The following ZDHHC14 variants were observed in gnomAD, a reference collection of about 807,000 sequenced individuals.
ZDHHC14 encodes zDHHC palmitoyltransferase 14.
In ZDHHC14, 16 loss-of-function variants were observed where a neutral mutation model predicts 47.7. The ratio of observed to expected loss-of-function variants is 0.34; its 90% CI spans 0.23 to 0.51. The LOEUF (loss-of-function observed/expected upper bound fraction) is 0.51. Among genes scored for constraint, ZDHHC14 ranks in the 20% least tolerant of loss-of-function variants. The pLI is 0.97. For synonymous variants in ZDHHC14, 293 were observed against 278.9 expected (o/e 1.05, Z -0.50); for missense variants, 515 against 662.5 (o/e 0.78, Z 2.44).
At position 157,619,557 on chromosome 6, in the gene ZDHHC14, A is replaced by G. The variant is rs562971300; in HGVS notation, c.566-8792A>G. ...CCACCTGCCAGGTGGTGGCAAGGCC[A>G]GGGCAGGAGCCAGTGAGACCTGGGT... On this transcript the variant is annotated intron_variant, in intron 3 of 8. Transcript: ENST00000359775. Among the ~76,000 whole-genome samples, 491 of 152,368 alleles carry G rather than the reference A, an allele frequency of 3.2e-3. 2 individuals are homozygous for G. Among genetic ancestry groups the G allele is most frequent in the African/African-American group, 0.011 (442 of 41,600 alleles).
chr6:157,602,489 CAAAAAAAAA>C (rs552594669), intron 3 of ZDHHC14, among the ~76,000 whole-genome samples: 2 of 60,616 alleles, frequency 3.3e-5, no homozygotes, highest in East Asian at 4.8e-4. Context: ...GACTCCGTTT[CAAAAAAAAA>C]AAAAAAAAAA....
intron 1 of ZDHHC14, among the ~76,000 whole-genome samples, chr6:157,414,985 A>G (rs964552718): frequency 2.0e-5 from 3 of 152,090 alleles, no homozygotes; most frequent in Non-Finnish European, 4.4e-5. Context: ...CTATAGTTAC[A>G]ACTCTAAAGT....
At chr6:157,389,509 A>G (rs564442339) in intron 1 of ZDHHC14, among the ~76,000 whole-genome samples, 2 of 152,332 alleles carry the variant, frequency 1.3e-5, no homozygotes, top group African/African-American at 2.4e-5. Context: ...TGGGTGTATC[A>G]TCATGGTATT....
intron 5 of ZDHHC14, among the ~76,000 whole-genome samples, chr6:157,636,522 C>T (rs967034758): frequency 1.3e-5 from 2 of 152,102 alleles, no homozygotes; most frequent in African/African-American, 2.4e-5. Context: ...CCTGCTGATT[C>T]GCTCCCTGCT....
intron 5 of ZDHHC14, among the ~76,000 whole-genome samples, chr6:157,635,283 G>A (rs781181565): frequency 1.6e-4 from 24 of 152,290 alleles, no homozygotes; most frequent in South Asian, 8.3e-4. Context: ...GTGAGCTACC[G>A]CGCCCAGCCA....
At chr6:157,527,338 C>T (rs1781193787) in intron 1 of ZDHHC14, among the ~76,000 whole-genome samples, 1 of 152,260 alleles carries the variant, frequency 6.6e-6, no homozygotes, top group African/African-American at 2.4e-5. Context: ...GCTCATGTGG[C>T]GAACAGGAAT....
chr6:157,459,396 G>A (rs147305915), intron 1 of ZDHHC14, among the ~76,000 whole-genome samples: 1 of 152,250 alleles, frequency 6.6e-6, no homozygotes, highest in Non-Finnish European at 1.5e-5. Flanking sequence ...GGAGGCAAAC[G>A]TCTTGTTTCT....
intron 1 of ZDHHC14, among the ~76,000 whole-genome samples, chr6:157,407,557 C>G (rs552761201): frequency 1.3e-5 from 2 of 152,300 alleles, no homozygotes; most frequent in Admixed American, 6.5e-5. Flanking sequence ...TTTTTGTAGA[C>G]TGCCCAAACC....
chr6:157,401,209 A>C (rs1777628819), intron 1 of ZDHHC14, among the ~76,000 whole-genome samples: 1 of 152,252 alleles, frequency 6.6e-6, no homozygotes, highest in Admixed American at 6.5e-5. Context: ...AAAGATAAAT[A>C]GAAACGTTGT....
intron 3 of ZDHHC14, among the ~76,000 whole-genome samples, chr6:157,626,427 A>G (rs560447639): frequency 8.5e-5 from 13 of 152,328 alleles, no homozygotes; most frequent in South Asian, 4.1e-4. Flanking sequence ...ACGTTGACAC[A>G]TAGATAGATT....
intron 1 of ZDHHC14, among the ~76,000 whole-genome samples, chr6:157,428,401 AAAG>A (rs1267311728): frequency 1.6e-3 from 248 of 152,294 alleles, no homozygotes; most frequent in African/African-American, 5.7e-3. Flanking sequence ...TAGCCTGTGA[AAAG>A]ATAAGCTTTA....
intron 1 of ZDHHC14, among the ~76,000 whole-genome samples, chr6:157,540,910 G>A (rs868129367): frequency 0.018 from 2,263 of 122,620 alleles, 52 homozygotes; most frequent in African/African-American, 0.029. Context: ...GTGTGTGTGT[G>A]TATATATATA....
chr6:157,387,937 G>A (rs1433106398), intron 1 of ZDHHC14, among the ~76,000 whole-genome samples: 2 of 152,184 alleles, frequency 1.3e-5, no homozygotes. Flanking sequence ...ATAATGTCTT[G>A]TAGAACACAT....
At position 157,474,172 on chromosome 6, in the gene ZDHHC14, G is replaced by T. The variant is rs560240804; in HGVS notation, c.246-68413G>T. On this transcript the variant is annotated intron_variant, in intron 1 of 8. Coordinates refer to ENST00000359775, the MANE Select transcript of ZDHHC14 (RefSeq NM_024630.3). ...CCCAGCTAATTTTTTTGTATTTTTA[G>T]TAGAGAAGGGGTTTCACCATGTTGG... Among the ~76,000 whole-genome samples, 146 of 152,088 alleles carry T rather than the reference G, an allele frequency of 9.6e-4. 1 individual carries two copies. Among genetic ancestry groups the T allele is most frequent in the African/African-American group, 3.5e-3 (144 of 41,506 alleles).
intron 1 of ZDHHC14, among the ~76,000 whole-genome samples, chr6:157,467,740 G>A (rs1779255379): frequency 6.6e-6 from 1 of 151,920 alleles, no homozygotes; most frequent in East Asian, 1.9e-4. Flanking sequence ...AGTAGAGATG[G>A]TGTTTCACCA....
chr6:157,591,050 G>A (rs1468655303), intron 2 of ZDHHC14, among the ~76,000 whole-genome samples: 3 of 152,204 alleles, frequency 2.0e-5, no homozygotes, highest in East Asian at 1.9e-4. Flanking sequence ...CTCCCATTTG[G>A]AACAGGTTTA....
At chr6:157,616,232 G>T (rs1219797381) in intron 3 of ZDHHC14, among the ~76,000 whole-genome samples, 1 of 152,200 alleles carries the variant, frequency 6.6e-6, no homozygotes, top group African/African-American at 2.4e-5. Context: ...ACACTGGGGA[G>T]CAAGACAGGA....
At chr6:157,650,359 T>TG (rs1196154194) in intron 7 of ZDHHC14, among the ~76,000 whole-genome samples, 5 of 147,952 alleles carry the variant, frequency 3.4e-5, no homozygotes, top group South Asian at 4.4e-4. Flanking sequence ...ATGTCAGGAG[T>TG]GGGGGGCGAA....
intron 1 of ZDHHC14, among the ~76,000 whole-genome samples, chr6:157,458,242 CCATGGTGATTTTTTT>C (rs1378705979): frequency 1.3e-5 from 2 of 152,086 alleles, no homozygotes; most frequent in East Asian, 3.9e-4. Context: ...TTCATAGTTC[CCATGGTGATTTTTTT>C]CATTCGGTGT....
Sources: gnomAD v4.1 joint callset for allele counts (sites outside exome capture counted in the v4.1 genomes callset) on GRCh38, gnomAD v4.1.1 for gene constraint, MANE v1.5 for transcripts, NCBI Gene and HGNC (gene_info 2026-07-23, HGNC 2026-07-21) for gene names.